SGCZ: variants seen among roughly 807,000 people sequenced by gnomAD.
SGCZ encodes the protein zeta-sarcoglycan.
Under a neutral mutation model 41.3 loss-of-function variants are expected in SGCZ, and 40 were observed. That is an observed-to-expected ratio of 0.97 (90% confidence interval 0.75 to 1.26). SGCZ has a LOEUF of 1.26. SGCZ is among the 50% of genes most tolerant of loss of function. SGCZ has a pLI of 0.00. For synonymous variants in SGCZ, 206 were observed against 137.5 expected, an observed-to-expected ratio of 1.50 and a Z score of -3.49; for missense variants, 552 against 369.8, an observed-to-expected ratio of 1.49 and a Z score of -4.04.
intron 1 of SGCZ, among the ~76,000 whole-genome samples, chr8:14,836,693 G>T (rs1239958191): frequency 6.6e-6 from 1 of 152,068 alleles, no homozygotes; most frequent in African/African-American, 2.4e-5. Context: ...TAGAGACACG[G>T]TTTTACCGTG....
Position 14,739,495 on chromosome 8 carries a change from A to G in SGCZ, c.40-184569T>C, listed in dbSNP as rs575850834. Among the ~76,000 whole-genome samples the G allele has an allele frequency of 2.0e-5, 3 of 152,220 alleles. No individual in the cohort carries two copies. The South Asian group carries it at 6.2e-4, about 32-fold the overall frequency. On this transcript the variant is annotated intron_variant, in intron 1 of 7. Coordinates refer to ENST00000382080, the MANE Select transcript of SGCZ (RefSeq NM_139167.4). The stretch of plus-strand genomic sequence containing the variant: ...ATTACCATTTTGGAATATAGAGTTT[A>G]CATATTCTGTCTCTCTTTTTTGTTG...
chr8:14,682,920 C>G (rs374128778), intron 1 of SGCZ, among the ~76,000 whole-genome samples: 3 of 152,096 alleles, frequency 2.0e-5, no homozygotes, highest in African/African-American at 7.2e-5. Flanking sequence ...TGACATTTGC[C>G]GGCAGATGGT....
chr8:15,178,583 C>T (rs189072475), intron 1 of SGCZ, among the ~76,000 whole-genome samples: 15 of 152,266 alleles, frequency 9.9e-5, no homozygotes, highest in Non-Finnish European at 1.8e-4. Context: ...AACTCAGATG[C>T]AATGTTATAC....
intron 1 of SGCZ, among the ~76,000 whole-genome samples, chr8:15,227,326 T>G (rs1037816617): frequency 6.6e-6 from 1 of 152,170 alleles, no homozygotes; most frequent in African/African-American, 2.4e-5. Context: ...GAGTGGAAGA[T>G]CAAATAGGTA....
intron 2 of SGCZ, among the ~76,000 whole-genome samples, chr8:14,335,329 TAAGCTTCTTTG>T (rs1802471747): frequency 6.6e-6 from 1 of 152,120 alleles, no homozygotes; most frequent in South Asian, 2.1e-4. Flanking sequence ...AAAGACCCTA[TAAGCTTCTTTG>T]AAGGGTGCTG....
intron 1 of SGCZ, among the ~76,000 whole-genome samples, chr8:14,944,836 T>C (rs192845207): frequency 5.9e-5 from 9 of 152,200 alleles, no homozygotes; most frequent in African/African-American, 1.9e-4. Context: ...TCTCACACCA[T>C]CATAAAGTTG....
intron 2 of SGCZ, among the ~76,000 whole-genome samples, chr8:14,335,619 A>C (rs890533): frequency 0.69 from 105,271 of 152,040 alleles, 37,541 homozygotes; most frequent in South Asian, 0.88. Flanking sequence ...GCCACAGGGG[A>C]ATGGCATATA....
chr8:14,632,154 G>C (rs1585140214), intron 1 of SGCZ, among the ~76,000 whole-genome samples: 1 of 152,008 alleles, frequency 6.6e-6, no homozygotes, highest in Non-Finnish European at 1.5e-5. Context: ...GAATAGCTGG[G>C]ACTACAGGCA....
At chr8:14,919,025 T>C (rs1442456462) in intron 1 of SGCZ, among the ~76,000 whole-genome samples, 1 of 152,198 alleles carries the variant, frequency 6.6e-6, no homozygotes, top group Non-Finnish European at 1.5e-5. Flanking sequence ...CTTTACCCTT[T>C]TATCATGTCA....
chr8:14,700,099 T>A (rs1809088104), intron 1 of SGCZ, among the ~76,000 whole-genome samples: 1 of 151,906 alleles, frequency 6.6e-6, no homozygotes, highest in African/African-American at 2.4e-5. Context: ...ACAATCCCAT[T>A]AAGGGCATAT....
At chr8:15,080,733 G>A (rs113991941) in intron 1 of SGCZ, among the ~76,000 whole-genome samples, 1 of 151,898 alleles carries the variant, frequency 6.6e-6, no homozygotes, top group African/African-American at 2.4e-5. Context: ...TTGGATTACA[G>A]GTGCCTGTCA....
intron 3 of SGCZ, among the ~76,000 whole-genome samples, chr8:14,316,981 T>C (rs896253378): frequency 1.3e-5 from 2 of 151,970 alleles, no homozygotes; most frequent in African/African-American, 4.8e-5. Context: ...AATTCTTCTT[T>C]GCAGTGATTA....
At chr8:14,589,296 A>G (rs1178198223) in intron 1 of SGCZ, among the ~76,000 whole-genome samples, 1 of 150,714 alleles carries the variant, frequency 6.6e-6, no homozygotes, top group Non-Finnish European at 1.5e-5. Flanking sequence ...CAGTGAGCTG[A>G]GATTGCACCA....
At chr8:14,190,527 G>A (rs1442597298) in intron 4 of SGCZ, among the ~76,000 whole-genome samples, 1 of 152,116 alleles carries the variant, frequency 6.6e-6, no homozygotes, top group Admixed American at 6.5e-5. Context: ...ATATCTTTAT[G>A]AGGTGGAGAA....
chr8:14,751,251 C>T (rs1213032120), intron 1 of SGCZ, among the ~76,000 whole-genome samples: 1 of 152,146 alleles, frequency 6.6e-6, no homozygotes, highest in African/African-American at 2.4e-5. Context: ...AATGAATCAG[C>T]AAATGATACA....
At chr8:14,255,987 T>C (rs1799449961) in intron 3 of SGCZ, among the ~76,000 whole-genome samples, 2 of 152,174 alleles carry the variant, frequency 1.3e-5, no homozygotes, top group African/African-American at 4.8e-5. Flanking sequence ...TCATTAAATA[T>C]ATTACATCTC....
chr8:14,792,728 C>A (rs1177970044), intron 1 of SGCZ, among the ~76,000 whole-genome samples: 2 of 151,960 alleles, frequency 1.3e-5, no homozygotes, highest in Non-Finnish European at 2.9e-5. Context: ...ATCAATACCC[C>A]CTTTCTCTTT....
chr8:14,420,594 G>A (rs996625613), intron 2 of SGCZ, among the ~76,000 whole-genome samples: 3 of 151,714 alleles, frequency 2.0e-5, no homozygotes, highest in Non-Finnish European at 4.4e-5. Flanking sequence ...AAATGATCCC[G>A]AGCTCTGAAG....
chr8:14,156,156 C>T (rs201735475), intron 5 of SGCZ, among the ~76,000 whole-genome samples: 8 of 152,126 alleles, frequency 5.3e-5, no homozygotes, highest in East Asian at 1.9e-4. Context: ...TGCATAGAGG[C>T]GACGCTGAAT....
Sources: gnomAD v4.1 joint callset for allele counts (sites outside exome capture counted in the v4.1 genomes callset) on GRCh38, gnomAD v4.1.1 for gene constraint, MANE v1.5 for transcripts, NCBI Gene and HGNC (gene_info 2026-07-23, HGNC 2026-07-21) for gene names.